IL1RAP: variants seen among roughly 807,000 people sequenced by gnomAD.
The protein encoded by IL1RAP is interleukin 1 receptor accessory protein, also known as interleukin-1 receptor accessory protein.
IL1RAP carries 35 observed loss-of-function variants against 60.7 expected under a neutral mutation model. That is an observed-to-expected ratio of 0.58 (90% CI 0.44 to 0.76). IL1RAP has a LOEUF of 0.76. Ranked by LOEUF, IL1RAP falls within the 30% of genes least tolerant of loss-of-function variation. The probability of loss-of-function intolerance (pLI) is 0.00; values close to 1 mark genes in which losing one functional copy is unlikely to be tolerated. For synonymous variants in IL1RAP, 268 were observed against 250.9 expected (o/e 1.07, Z -0.64); for missense variants, 572 against 693.9 (o/e 0.82, Z 1.97).
chr3:190,651,485 A>C lies in IL1RAP; in HGVS notation c.*2780A>C. ...TTTGATTTGTAAATTTACTTATGTT[A>C]AAAATAAACCATTTATTTTCAGCTT... On this transcript the variant is annotated 3_prime_UTR_variant, in exon 12 of 12. Coordinates refer to ENST00000447382, the MANE Select transcript of IL1RAP (RefSeq NM_002182.4). 2.2e-6 allele frequency: 1 copy of C among 463,298 alleles called. No individual in the cohort carries two copies. 28.7% of individuals were successfully genotyped at this position (463,298 alleles called of 1,614,324 possible).
At chr3:190,561,082 T>G (rs1266090022) in intron 2 of IL1RAP, among the ~76,000 whole-genome samples, 9 of 152,156 alleles carry the variant, frequency 5.9e-5, no homozygotes, top group Admixed American at 5.9e-4. Flanking sequence ...TAGGCCCCAT[T>G]GCAATAATCT....
intron 1 of IL1RAP, among the ~76,000 whole-genome samples, chr3:190,539,953 T>C (rs62288177): frequency 0.18 from 27,763 of 151,990 alleles, 3,125 homozygotes; most frequent in Middle Eastern, 0.28. Context: ...TTAAAAAATA[T>C]ATTTTATGGT....
intron 9 of IL1RAP, among the ~76,000 whole-genome samples, chr3:190,637,577 A>G (rs551513295): frequency 2.6e-5 from 4 of 152,250 alleles, no homozygotes; most frequent in African/African-American, 9.6e-5. Flanking sequence ...TATCATTATC[A>G]GTGTTTTAAT....
intron 1 of IL1RAP, chr3:190,516,080 G>A (rs569452071): frequency 1.3e-5 from 2 of 152,268 alleles, no homozygotes; most frequent in South Asian, 4.1e-4. Context: ...TTTGCCATGC[G>A]TCCTTAAATT....
chr3:190,620,665 T>G (rs1731700544), intron 6 of IL1RAP, among the ~76,000 whole-genome samples: 2 of 152,078 alleles, frequency 1.3e-5, no homozygotes, highest in Admixed American at 1.3e-4. Context: ...GAAGTAAAGG[T>G]AGTTTGGGGA....
At chr3:190,568,561 C>T (rs770880838) in intron 3 of IL1RAP, among the ~76,000 whole-genome samples, 1 of 152,266 alleles carries the variant, frequency 6.6e-6, no homozygotes, top group East Asian at 1.9e-4. Context: ...GTAAAAAACA[C>T]TGTGGTTTCC....
chr3:190,656,428 G>T, downstream of IL1RAP: 3 of 1,537,220 alleles, frequency 2.0e-6, no homozygotes, highest in South Asian at 3.6e-5. Context: ...CAAGAGCCGG[G>T]CAGAGATTCA....
intron 1 of IL1RAP, among the ~76,000 whole-genome samples, chr3:190,547,074 G>A (rs1029063470): frequency 2.0e-5 from 3 of 152,092 alleles, no homozygotes; most frequent in Non-Finnish European, 4.4e-5. Context: ...CCAGTGTTCT[G>A]TTTTTTTGTA....
chr3:190,515,074 G>A (rs1186341537), intron 1 of IL1RAP, among the ~76,000 whole-genome samples: 2 of 152,172 alleles, frequency 1.3e-5, no homozygotes, highest in Non-Finnish European at 2.9e-5. Context: ...GGCGCCACGC[G>A]AAGCATTCTG....
chr3:190,644,957 CCAG>C (rs1444271707), intron 10 of IL1RAP, among the ~76,000 whole-genome samples: 3 of 152,164 alleles, frequency 2.0e-5, no homozygotes, highest in Non-Finnish European at 1.5e-5. Flanking sequence ...GATCTGTGAA[CCAG>C]CAGCAACATA....
At chr3:190,532,009 A>G (rs1166785687) in intron 1 of IL1RAP, among the ~76,000 whole-genome samples, 1 of 128,180 alleles carries the variant, frequency 7.8e-6, no homozygotes, top group Non-Finnish European at 1.6e-5. Context: ...CCTCAGAGGA[A>G]TATGTTGTGT....
At chr3:190,517,276 TTTC>T (rs1195814045) in intron 1 of IL1RAP, among the ~76,000 whole-genome samples, 2 of 152,220 alleles carry the variant, frequency 1.3e-5, no homozygotes, top group African/African-American at 4.8e-5. Flanking sequence ...ATATCACTCT[TTTC>T]TTCCTGTTGT....
At chr3:190,610,770 A>C (rs1730754147) in intron 5 of IL1RAP, among the ~76,000 whole-genome samples, 2 of 152,228 alleles carry the variant, frequency 1.3e-5, no homozygotes, top group Admixed American at 1.3e-4. Flanking sequence ...TCAAAAGCTG[A>C]ACATTTTAAA....
At chr3:190,641,886 A>G (rs1280399862) in intron 9 of IL1RAP, among the ~76,000 whole-genome samples, 1 of 152,160 alleles carries the variant, frequency 6.6e-6, no homozygotes, top group Non-Finnish European at 1.5e-5. Flanking sequence ...GATCTTAGTA[A>G]ACTTTCAGCA....
chr3:190,520,945 A>T (rs951642224), intron 1 of IL1RAP, among the ~76,000 whole-genome samples: 1 of 152,220 alleles, frequency 6.6e-6, no homozygotes, highest in Non-Finnish European at 1.5e-5. Flanking sequence ...TTTCCATAAT[A>T]TAGTGGACAT....
At chr3:190,614,476 T>G (rs1246488719) in intron 5 of IL1RAP, among the ~76,000 whole-genome samples, 1 of 152,068 alleles carries the variant, frequency 6.6e-6, no homozygotes, top group Non-Finnish European at 1.5e-5. Flanking sequence ...TTCAGAGAGA[T>G]AAACAATAAC....
At chr3:190,635,973 G>A (rs907200376) in intron 9 of IL1RAP, among the ~76,000 whole-genome samples, 8 of 152,162 alleles carry the variant, frequency 5.3e-5, no homozygotes, top group Non-Finnish European at 1.0e-4. Flanking sequence ...GGGTATCTGT[G>A]AAAACCGAGG....
At chr3:190,554,380 T>C (rs2052061391) in intron 1 of IL1RAP, among the ~76,000 whole-genome samples, 1 of 151,984 alleles carries the variant, frequency 6.6e-6, no homozygotes, top group South Asian at 2.1e-4. Context: ...GGCAGGCTCC[T>C]CCCCCCTGCA....
rs533119194 is a variant in IL1RAP at position 190,643,542 on chromosome 3, T to A, written c.1052-706T>A. 1.7e-3 allele frequency among the ~76,000 whole-genome samples: 259 copies of A among 149,860 alleles called. 1 individual carries two copies. Among genetic ancestry groups the A allele is most frequent in the African/African-American group, 5.8e-3 (233 of 40,108 alleles). Reference sequence around the variant, plus strand: ...GCAAAGGTGCCTAAAATATAAAAAATAAGTAGATAATGCAGAAATCTGTTC... The same window carrying A: ...GCAAAGGTGCCTAAAATATAAAAAAAAAGTAGATAATGCAGAAATCTGTTC... On this transcript the variant is annotated intron_variant, in intron 9 of 11. Transcript: ENST00000447382.
Sources: gnomAD v4.1 joint callset for allele counts (sites outside exome capture counted in the v4.1 genomes callset) on GRCh38, gnomAD v4.1.1 for gene constraint, MANE v1.5 for transcripts, NCBI Gene and HGNC (gene_info 2026-07-23, HGNC 2026-07-21) for gene names.